The following PIWIL3 variants were observed in gnomAD, a reference collection of about 807,000 sequenced individuals.
PIWIL3 encodes the protein piwi-like protein 3.
In PIWIL3, 101 loss-of-function variants were observed where a neutral mutation model predicts 109.7. That is an observed-to-expected ratio of 0.92 (90% CI 0.78 to 1.09). The LOEUF is 1.09. Ranked by LOEUF, PIWIL3 falls within the 50% of genes least tolerant of loss-of-function variation. The pLI is 0.00. For synonymous variants in PIWIL3, 373 were observed against 376.4 expected (o/e 0.99, Z 0.10); for missense variants, 1,031 against 1,072.6 (o/e 0.96, Z 0.54).
intron 14 of PIWIL3, 39 bp downstream of exon 14, chr22:24,734,045 A>T (rs1238576507): frequency 6.4e-7 from 1 of 1,571,078 alleles, no homozygotes; most frequent in Non-Finnish European, 8.6e-7. Flanking sequence ...GTTTGGAACA[A>T]TAACTAAAAG....
intron 12 of PIWIL3, among the ~76,000 whole-genome samples, chr22:24,742,710 A>G (rs1460914923): frequency 2.0e-5 from 3 of 152,250 alleles, no homozygotes; most frequent in Non-Finnish European, 4.4e-5. Flanking sequence ...TAGCAGAAAG[A>G]AACTGGATCT....
rs186224376 is a variant in PIWIL3 at position 24,722,272 on chromosome 22, C to T, written c.2357+858G>A. Among the ~76,000 whole-genome samples, 17 of 152,158 alleles carry T rather than the reference C, an allele frequency of 1.1e-4. No homozygotes were observed. In the East Asian group the frequency reaches 3.1e-3, roughly 28 times the overall value. ...TAATTTTTTGTATTTTTAGTGGAGACGAGGTTTCACTGTGTTAGCCAGGAT... is the reference window on the plus strand; with the variant it reads ...TAATTTTTTGTATTTTTAGTGGAGATGAGGTTTCACTGTGTTAGCCAGGAT... On this transcript the variant is annotated intron_variant, in intron 19 of 20. Transcript: ENST00000616349.
intron 19 of PIWIL3, among the ~76,000 whole-genome samples, chr22:24,721,093 G>A (rs1922648765): frequency 6.6e-6 from 1 of 152,080 alleles, no homozygotes; most frequent in Non-Finnish European, 1.5e-5. Flanking sequence ...TTTTTGGGTA[G>A]CTCTCTCAGT....
At chr22:24,757,074 C>A (rs528773915) in intron 4 of PIWIL3, among the ~76,000 whole-genome samples, 1 of 82,926 alleles carries the variant, frequency 1.2e-5, no homozygotes, top group East Asian at 3.4e-4. Context: ...AGCTAAACTC[C>A]GTCTCAAAAA....
intron 12 of PIWIL3, among the ~76,000 whole-genome samples, chr22:24,747,476 A>G (rs1471417480): frequency 6.6e-6 from 1 of 152,210 alleles, no homozygotes; most frequent in African/African-American, 2.4e-5. Context: ...CAAGTTAAAA[A>G]GCTTCTATGT....
rs76410093 is a variant in PIWIL3, at chr22:24,762,670, G to C, written c.-22-149C>G. ...TCATTCTGATGGCTGGAAAGTCCAA[G>C]ACTGGGCAGCCCATCTGGTGAGGGT... On this transcript the variant is annotated intron_variant, in intron 1 of 20. Transcript: ENST00000616349. 242 of 692,720 alleles carry C rather than the reference G, an allele frequency of 3.5e-4. No individual in the cohort carries two copies. In the East Asian group the frequency reaches 7.4e-3, roughly 21 times the overall value. 42.9% of individuals were successfully genotyped at this position (692,720 alleles called of 1,614,324 possible). A position where few individuals can be genotyped will look rare whatever the true frequency, so the allele number is the denominator to read the frequency against.
intron 12 of PIWIL3, among the ~76,000 whole-genome samples, chr22:24,745,975 C>T (rs1431710892): frequency 6.6e-6 from 1 of 151,984 alleles, no homozygotes; most frequent in Non-Finnish European, 1.5e-5. Context: ...AAAAAGTTTC[C>T]CAAAGAAAAG....
intron 1 of PIWIL3, among the ~76,000 whole-genome samples, chr22:24,766,127 A>C (rs1183499809): frequency 2.0e-5 from 3 of 151,186 alleles, no homozygotes; most frequent in Non-Finnish European, 4.4e-5. Context: ...CTGGAACTGC[A>C]GGTGCTGCCA....
rs140207751 is a variant in PIWIL3, at chr22:24,753,881, C to T, written c.977+133G>A. 186 of 699,926 alleles carry T rather than the reference C, an allele frequency of 2.7e-4. No individual in the cohort carries two copies. In the East Asian group the frequency reaches 4.5e-3, roughly 17 times the overall value. The allele number at this position is 699,926 out of a possible 1,614,324, so 43.4% of individuals were successfully genotyped here. On this transcript the variant is annotated intron_variant, in intron 8 of 20. Transcript: ENST00000616349. The stretch of plus-strand genomic sequence containing the variant: ...CCAAGTTGTATAACCAGAGGAGAGA[C>T]GTGTTCAGTTGTTCTTGCAATTTCT...
In PIWIL3 at chr22:24,728,060, T is replaced by C; in HGVS notation, c.1906-7A>G. The C allele has an allele frequency of 6.2e-7, 1 of 1,611,934 alleles. No individual in the cohort carries two copies. Among genetic ancestry groups the C allele is most frequent in the East Asian group, 2.2e-5 (1 of 44,878 alleles). ...CGAACATTGTTCTTTGTACCTTAAG[T>C]TTGTTTTTGAAAAGGTAATGGAGTT... On this transcript the variant is annotated splice_region_variant and splice_polypyrimidine_tract_variant and intron_variant, in intron 15 of 20. Coordinates refer to ENST00000616349, the MANE Select transcript of PIWIL3 (RefSeq NM_001255975.1).
At chr22:24,722,994 TAA>T in intron 19 of PIWIL3, 134 bp downstream of exon 19, 1 of 988,016 alleles carries the variant, frequency 1.0e-6, no homozygotes, top group Non-Finnish European at 1.5e-6. Context: ...TGCCCAATAG[TAA>T]AAAAAACAGA....
rs1261987475 is a variant in PIWIL3, at chr22:24,756,414, AAAC to A, written c.570+74_570+76del. 9 of 1,396,454 alleles carry A rather than the reference AAAC, an allele frequency of 6.4e-6. No homozygotes were observed. In the African/African-American group the frequency reaches 7.3e-5, roughly 11 times the overall value. The allele number at this position is 1,396,454 out of a possible 1,614,324, so 86.5% of individuals were successfully genotyped here. On this transcript the variant is annotated intron_variant, in intron 5 of 20. Coordinates refer to ENST00000616349, the MANE Select transcript of PIWIL3 (RefSeq NM_001255975.1). ...GATGTCTCAACAAACAACTGCACAA[AAAC>A]AATAGGTGTTTTATTATAATAAAGT...
chr22:24,735,981 C>A, intron 12 of PIWIL3, 89 bp from the exon 13 acceptor site: 2 of 1,063,794 alleles, frequency 1.9e-6, no homozygotes, highest in South Asian at 3.9e-5. Flanking sequence ...CGTGCTATCT[C>A]CTATAGAAAT....
chr22:24,751,728 C>G (rs913785037), intron 8 of PIWIL3, among the ~76,000 whole-genome samples: 3 of 152,330 alleles, frequency 2.0e-5, no homozygotes, highest in South Asian at 4.2e-4. Flanking sequence ...TAACCATAGG[C>G]AGTCACTTCC....
intron 12 of PIWIL3, among the ~76,000 whole-genome samples, chr22:24,744,842 CA>C: frequency 6.6e-6 from 1 of 152,144 alleles, no homozygotes; most frequent in African/African-American, 2.4e-5. Flanking sequence ...ATCTTTCAGA[CA>C]AAAAAGGGAA....
chr22:24,756,913 A>G (rs563791482), intron 4 of PIWIL3, among the ~76,000 whole-genome samples: 75 of 152,058 alleles, frequency 4.9e-4, no homozygotes, highest in African/African-American at 1.6e-3. Flanking sequence ...CCCCATATCT[A>G]CTAAAAATAC....
At chr22:24,752,506 T>TC (rs1924770320) in intron 8 of PIWIL3, among the ~76,000 whole-genome samples, 1 of 152,062 alleles carries the variant, frequency 6.6e-6, no homozygotes, top group Admixed American at 6.6e-5. Flanking sequence ...AGACACCACC[T>TC]CCTCAAGCCC....
chr22:24,719,417 G>T lies in PIWIL3; in HGVS notation c.*55C>A. ...TATTTCAGACATCCTGCTTCAAAAG[G>T]AAGACAGGCTTACACGTTGTGGTTT... On this transcript the variant is annotated 3_prime_UTR_variant, in exon 21 of 21. Coordinates refer to ENST00000616349, the MANE Select transcript of PIWIL3 (RefSeq NM_001255975.1). The T allele has an allele frequency of 7.6e-7, 1 of 1,313,766 alleles. No homozygotes were observed. Among genetic ancestry groups the T allele is most frequent in the South Asian group, 1.5e-5 (1 of 67,856 alleles). The allele number at this position is 1,313,766 out of a possible 1,614,324, so 81.4% of individuals were successfully genotyped here.
chr22:24,754,290 G>T, intron 7 of PIWIL3, 73 bp from the exon 8 acceptor site: 1 of 1,341,694 alleles, frequency 7.5e-7, no homozygotes, highest in South Asian at 1.4e-5. Context: ...CCTAAGCTCT[G>T]GGTCTAAAAA....
Sources: allele counts gnomAD v4.1 joint callset (sites outside exome capture counted in the v4.1 genomes callset), GRCh38; gene constraint gnomAD v4.1.1; transcripts MANE v1.5; gene names NCBI Gene and HGNC (gene_info 2026-07-23, HGNC 2026-07-21).